Variants in DYNC1I1 observed in about 807,000 individuals in gnomAD.
DYNC1I1 encodes dynein cytoplasmic 1 intermediate chain 1, also known as cytoplasmic dynein 1 intermediate chain 1.
DYNC1I1 carries 43 observed loss-of-function variants against 86.6 expected under a neutral mutation model. The ratio of observed to expected loss-of-function variants is 0.50; its 90% CI spans 0.39 to 0.64. The LOEUF (loss-of-function observed/expected upper bound fraction) is 0.64. Ranked by LOEUF, DYNC1I1 falls within the 30% of genes least tolerant of loss-of-function variation. The pLI is 0.00. For missense variants in DYNC1I1, 604 were observed against 788.8 expected (o/e 0.77, Z 2.81); for synonymous variants, 262 against 283.7 (o/e 0.92, Z 0.77).
At chr7:95,969,320 A>G (rs1193305692) in intron 6 of DYNC1I1, among the ~76,000 whole-genome samples, 1 of 152,188 alleles carries the variant, frequency 6.6e-6, no homozygotes, top group African/African-American at 2.4e-5. Flanking sequence ...TTTACACACA[A>G]TTGAGTCAAA....
intron 5 of DYNC1I1, among the ~76,000 whole-genome samples, chr7:95,843,306 G>A (rs991488048): frequency 6.6e-6 from 1 of 152,088 alleles, no homozygotes; most frequent in Non-Finnish European, 1.5e-5. Context: ...TCTCTCTGCC[G>A]TATTTTCCTG....
intron 6 of DYNC1I1, among the ~76,000 whole-genome samples, chr7:95,975,504 ATT>A (rs1793281208): frequency 1.3e-5 from 2 of 151,976 alleles, no homozygotes; most frequent in South Asian, 4.2e-4. Flanking sequence ...TCTGCATCCA[ATT>A]TCCCCTTTTT....
intron 5 of DYNC1I1, among the ~76,000 whole-genome samples, chr7:95,848,592 AT>A (rs1789496507): frequency 6.6e-6 from 1 of 152,082 alleles, no homozygotes; most frequent in African/African-American, 2.4e-5. Flanking sequence ...ATAGTATTCC[AT>A]TGTGTAAGCC....
chr7:95,842,027 A>C (rs530243833), intron 5 of DYNC1I1, among the ~76,000 whole-genome samples: 1 of 152,278 alleles, frequency 6.6e-6, no homozygotes, highest in African/African-American at 2.4e-5. Flanking sequence ...TAGTGGTTTT[A>C]AAAGTTGGGG....
In DYNC1I1 at chr7:95,977,495, C is replaced by A. The variant is rs1229042486; in HGVS notation, c.491-17C>A. 1 of 1,607,966 alleles carries A rather than the reference C, an allele frequency of 6.2e-7. No individual in the cohort carries two copies. The highest frequency in any genetic ancestry group is 8.5e-7 in the Non-Finnish European group (1 of 1,177,386). ...GGAGGAAAGAAAATATTGTATTTTT[C>A]TCTTTCTTTTTTCTAGAGGATGAGG... On this transcript the variant is annotated splice_polypyrimidine_tract_variant and intron_variant, in intron 6 of 16. Transcript: ENST00000447467.
chr7:95,815,435 C>G (rs1794925608), intron 4 of DYNC1I1, among the ~76,000 whole-genome samples: 1 of 152,096 alleles, frequency 6.6e-6, no homozygotes, highest in Admixed American at 6.6e-5. Flanking sequence ...TTCAGAAAAA[C>G]TGAGCACAAA....
intron 10 of DYNC1I1, among the ~76,000 whole-genome samples, chr7:96,027,570 G>A (rs1017823551): frequency 1.3e-5 from 2 of 152,162 alleles, no homozygotes; most frequent in African/African-American, 4.8e-5. Context: ...ATTTTCTGAA[G>A]TGGGCAGAAT....
intron 4 of DYNC1I1, among the ~76,000 whole-genome samples, chr7:95,818,310 CT>C (rs34017535): frequency 0.099 from 13,746 of 138,206 alleles, 639 homozygotes; most frequent in South Asian, 0.14. Flanking sequence ...TTTTTTAAAT[CT>C]TTTTTTTTTT....
intron 1 of DYNC1I1, among the ~76,000 whole-genome samples, chr7:95,798,007 G>A (rs1009317354): frequency 2.0e-5 from 3 of 151,512 alleles, no homozygotes; most frequent in Non-Finnish European, 4.4e-5. Flanking sequence ...TAACATGTAT[G>A]TTGTTATTTT....
At chr7:95,895,447 G>A (rs1790857460) in intron 6 of DYNC1I1, among the ~76,000 whole-genome samples, 1 of 152,104 alleles carries the variant, frequency 6.6e-6, no homozygotes, top group African/African-American at 2.4e-5. Flanking sequence ...TTCGACGATT[G>A]CTCTCAATTG....
chr7:95,949,311 T>C (rs2116473968), intron 6 of DYNC1I1, among the ~76,000 whole-genome samples: 1 of 152,318 alleles, frequency 6.6e-6, no homozygotes, highest in South Asian at 2.1e-4. Context: ...TTTTGGAATT[T>C]ACACTTTCCC....
At chr7:95,985,049 A>G in intron 8 of DYNC1I1, 72 bp downstream of exon 8, 2 of 1,562,908 alleles carry the variant, frequency 1.3e-6, no homozygotes, top group South Asian at 1.2e-5. Flanking sequence ...TTATGTTCTG[A>G]CTAGGAAAAT....
At chr7:96,063,502 G>T (rs1174857404) in intron 14 of DYNC1I1, among the ~76,000 whole-genome samples, 1 of 152,090 alleles carries the variant, frequency 6.6e-6, no homozygotes, top group African/African-American at 2.4e-5. Context: ...CAAGATCAAG[G>T]TGTCATCAGG....
At chr7:96,073,064 C>A (rs1182410488) in intron 14 of DYNC1I1, among the ~76,000 whole-genome samples, 1 of 152,180 alleles carries the variant, frequency 6.6e-6, no homozygotes, top group African/African-American at 2.4e-5. Flanking sequence ...AGATGTCAAC[C>A]TACATGGTAC....
intron 16 of DYNC1I1, among the ~76,000 whole-genome samples, chr7:96,096,056 A>G (rs557592984): frequency 6.6e-6 from 1 of 152,302 alleles, no homozygotes; most frequent in South Asian, 2.1e-4. Flanking sequence ...AAAATAAGTC[A>G]GAGAACTTAC....
chr7:96,023,395 G>A (rs1794600372), intron 10 of DYNC1I1, among the ~76,000 whole-genome samples: 1 of 152,168 alleles, frequency 6.6e-6, no homozygotes, highest in South Asian at 2.1e-4. Context: ...AGATCAAATG[G>A]GAGCCTAGAG....
At chr7:95,998,765 A>T (rs1793935231) in intron 10 of DYNC1I1, among the ~76,000 whole-genome samples, 1 of 152,170 alleles carries the variant, frequency 6.6e-6, no homozygotes, top group Admixed American at 6.5e-5. Flanking sequence ...CTGATTCTTC[A>T]TATTTTTTAA....
At chr7:95,990,567 T>G (rs778016176) in intron 9 of DYNC1I1, among the ~76,000 whole-genome samples, 1 of 152,198 alleles carries the variant, frequency 6.6e-6, no homozygotes, top group Non-Finnish European at 1.5e-5. Context: ...GTTAAGTCAG[T>G]ATAAGTACTT....
At chr7:96,060,283 A>C (rs1390148716) in intron 14 of DYNC1I1, among the ~76,000 whole-genome samples, 1 of 152,150 alleles carries the variant, frequency 6.6e-6, no homozygotes, top group Non-Finnish European at 1.5e-5. Context: ...CTCTTCCCCC[A>C]AGTCTCTCAC....
Sources: allele counts gnomAD v4.1 joint callset (sites outside exome capture counted in the v4.1 genomes callset), GRCh38; gene constraint gnomAD v4.1.1; transcripts MANE v1.5; gene names NCBI Gene and HGNC (gene_info 2026-07-23, HGNC 2026-07-21).